HNF4G: variants seen among roughly 807,000 people sequenced by gnomAD.
HNF4G encodes the protein hepatocyte nuclear factor 4-gamma.
In HNF4G, 21 loss-of-function variants were observed where a neutral mutation model predicts 50.9. The ratio of observed to expected loss-of-function variants is 0.41; its 90% CI spans 0.29 to 0.59. HNF4G has a LOEUF of 0.59. Among genes scored for constraint, HNF4G ranks in the 20% least tolerant of loss-of-function variants. The pLI, the probability that HNF4G is intolerant of heterozygous loss-of-function variation, is 0.26. For missense variants in HNF4G, 527 were observed against 559.4 expected (o/e 0.94, Z 0.58); for synonymous variants, 198 against 185.6 (o/e 1.07, Z -0.54).
intron 1 of HNF4G, among the ~76,000 whole-genome samples, chr8:75,468,271 G>A (rs1178657311): frequency 6.6e-6 from 1 of 152,050 alleles, no homozygotes; most frequent in Non-Finnish European, 1.5e-5. Context: ...CCAGGGAGAG[G>A]TCCTTCTTTG....
chr8:75,432,158 G>T (rs1811030479), intron 1 of HNF4G, among the ~76,000 whole-genome samples: 1 of 151,898 alleles, frequency 6.6e-6, no homozygotes, highest in African/African-American at 2.4e-5. Context: ...AGGTTAAGGA[G>T]AGGGGATAGC....
intron 1 of HNF4G, among the ~76,000 whole-genome samples, chr8:75,449,709 G>T (rs369095752): frequency 3.3e-4 from 50 of 151,664 alleles, no homozygotes; most frequent in East Asian, 7.8e-4. Context: ...GGGTTTCACC[G>T]TGTTAGCCCG....
chr8:75,561,715 A>C (rs1807316946), intron 9 of HNF4G, among the ~76,000 whole-genome samples: 1 of 152,126 alleles, frequency 6.6e-6, no homozygotes, highest in Non-Finnish European at 1.5e-5. Context: ...TGAAACTTGA[A>C]CCATGTTGTT....
At chr8:75,433,568 G>T (rs1466373339) in intron 1 of HNF4G, among the ~76,000 whole-genome samples, 1 of 152,036 alleles carries the variant, frequency 6.6e-6, no homozygotes, top group Non-Finnish European at 1.5e-5. Context: ...AGTAGTAGTA[G>T]TAGTAGTAAT....
intron 1 of HNF4G, among the ~76,000 whole-genome samples, chr8:75,417,164 G>GC (rs1298903636): frequency 6.6e-6 from 1 of 151,990 alleles, no homozygotes; most frequent in Non-Finnish European, 1.5e-5. Context: ...TGACTAGTCA[G>GC]CATTCTGTTA....
At chr8:75,508,566 A>C (rs1805665319) in intron 2 of HNF4G, among the ~76,000 whole-genome samples, 1 of 152,328 alleles carries the variant, frequency 6.6e-6, no homozygotes, top group South Asian at 2.1e-4. Context: ...TTTTTCAGCT[A>C]GTAGGTATAC....
chr8:75,469,604 C>T (rs1812068121), intron 1 of HNF4G, among the ~76,000 whole-genome samples: 1 of 152,120 alleles, frequency 6.6e-6, no homozygotes, highest in Non-Finnish European at 1.5e-5. Context: ...AGTCTCTTGC[C>T]TGAGTCTGAG....
At chr8:75,478,569 G>A (rs534779442) in intron 1 of HNF4G, among the ~76,000 whole-genome samples, 2 of 152,204 alleles carry the variant, frequency 1.3e-5, no homozygotes, top group South Asian at 4.1e-4. Flanking sequence ...AAAATATAAT[G>A]TGAAATGAGA....
intron 1 of HNF4G, among the ~76,000 whole-genome samples, chr8:75,439,254 G>A (rs1811214744): frequency 6.6e-6 from 1 of 151,798 alleles, no homozygotes; most frequent in Admixed American, 6.6e-5. Context: ...GATTACAGGT[G>A]GATGCCATAA....
intron 1 of HNF4G, among the ~76,000 whole-genome samples, chr8:75,414,745 C>T (rs1810592146): frequency 6.6e-6 from 1 of 152,102 alleles, no homozygotes. Context: ...ATATTTTTTG[C>T]TAAATAGCAT....
At chr8:75,472,602 C>G (rs547187190) in intron 1 of HNF4G, among the ~76,000 whole-genome samples, 1 of 152,266 alleles carries the variant, frequency 6.6e-6, no homozygotes, top group South Asian at 2.1e-4. Context: ...TAATCAGATT[C>G]ATCTCTTGAA....
At chr8:75,521,267 C>A (rs917633509) in intron 2 of HNF4G, among the ~76,000 whole-genome samples, 9 of 152,046 alleles carry the variant, frequency 5.9e-5, no homozygotes, top group African/African-American at 1.9e-4. Context: ...AGTCATCGAG[C>A]CCAAGCTAAA....
At chr8:75,500,952 C>A (rs1316321704) in intron 2 of HNF4G, among the ~76,000 whole-genome samples, 1 of 151,856 alleles carries the variant, frequency 6.6e-6, no homozygotes, top group East Asian at 1.9e-4. Context: ...TTTGTCCAAC[C>A]TTTTGAATAC....
intron 1 of HNF4G, among the ~76,000 whole-genome samples, chr8:75,419,659 G>C (rs960598584): frequency 6.6e-6 from 1 of 152,174 alleles, no homozygotes; most frequent in Non-Finnish European, 1.5e-5. Flanking sequence ...TGCAGTACAA[G>C]CTCCATGATT....
At chr8:75,545,471 C>A (rs1437275097) in intron 2 of HNF4G, among the ~76,000 whole-genome samples, 2 of 152,022 alleles carry the variant, frequency 1.3e-5, no homozygotes, top group African/African-American at 4.8e-5. Context: ...CTACTGCCAA[C>A]CTAGCTTTCT....
chr8:75,454,737 C>A (rs905490666), intron 1 of HNF4G, among the ~76,000 whole-genome samples: 5 of 152,160 alleles, frequency 3.3e-5, no homozygotes, highest in African/African-American at 1.2e-4. Flanking sequence ...CATCCTTCTT[C>A]ATTTCTCTTC....
intron 1 of HNF4G, among the ~76,000 whole-genome samples, chr8:75,440,597 T>C (rs373836079): frequency 6.6e-6 from 1 of 152,368 alleles, no homozygotes; most frequent in East Asian, 1.9e-4. Flanking sequence ...TTATTTTATT[T>C]AGTGTTACCA....
At chr8:75,505,232 G>C (rs115845172) in intron 2 of HNF4G, among the ~76,000 whole-genome samples, 51 of 152,236 alleles carry the variant, frequency 3.4e-4, no homozygotes, top group African/African-American at 1.2e-3. Context: ...CTAACTTGTT[G>C]GTGGACCTTT....
chr8:75,427,595 T>G (rs886567266), intron 1 of HNF4G, among the ~76,000 whole-genome samples: 3 of 151,398 alleles, frequency 2.0e-5, no homozygotes, highest in Non-Finnish European at 2.9e-5. Context: ...ATAAAATAAA[T>G]AAAATAAAAT....
Sources: gnomAD v4.1 joint callset for allele counts (sites outside exome capture counted in the v4.1 genomes callset) on GRCh38, gnomAD v4.1.1 for gene constraint, MANE v1.5 for transcripts, NCBI Gene and HGNC (gene_info 2026-07-23, HGNC 2026-07-21) for gene names.